The following CDH18 variants were observed in gnomAD, a reference collection of about 807,000 sequenced individuals.
CDH18 encodes cadherin 18.
A neutral mutation model predicts 67.9 loss-of-function variants in CDH18; 31 were observed. The observed-to-expected ratio is 0.46, with a 90% confidence interval of 0.34 to 0.62. CDH18 has a LOEUF of 0.62. Among genes scored for constraint, CDH18 ranks in the 20% least tolerant of loss-of-function variants. The pLI is 0.01. For synonymous variants in CDH18, 362 were observed against 347.2 expected (o/e 1.04, Z -0.48); for missense variants, 890 against 975.5 (o/e 0.91, Z 1.17).
chr5:20,209,571 T>C (rs1204830557), intron 2 of CDH18, among the ~76,000 whole-genome samples: 1 of 150,392 alleles, frequency 6.6e-6, no homozygotes, highest in African/African-American at 2.5e-5. Context: ...AGTTGTTAGG[T>C]TAACATGGTT....
chr5:20,401,995 A>G (rs1745807664), intron 1 of CDH18, among the ~76,000 whole-genome samples: 1 of 151,748 alleles, frequency 6.6e-6, no homozygotes, highest in Admixed American at 6.6e-5. Context: ...TTACTTTCCC[A>G]TCTTCATCTA....
chr5:20,126,578 T>C (rs182699436), intron 2 of CDH18, among the ~76,000 whole-genome samples: 1 of 152,206 alleles, frequency 6.6e-6, no homozygotes, highest in African/African-American at 2.4e-5. Flanking sequence ...AAAAGGTTAA[T>C]ATCCAAAGTA....
intron 5 of CDH18, among the ~76,000 whole-genome samples, chr5:19,712,846 C>T (rs1164808343): frequency 6.6e-6 from 1 of 151,512 alleles, no homozygotes; most frequent in African/African-American, 2.4e-5. Flanking sequence ...AGGGAAGAAT[C>T]TAGGGAATCA....
intron 9 of CDH18, among the ~76,000 whole-genome samples, chr5:19,534,508 A>G (rs908754568): frequency 6.6e-6 from 1 of 152,182 alleles, no homozygotes; most frequent in Non-Finnish European, 1.5e-5. Context: ...ATGAAAAATC[A>G]GGGAGAATTG....
chr5:20,536,642 T>C (rs536793579), intron 1 of CDH18, among the ~76,000 whole-genome samples: 2 of 152,224 alleles, frequency 1.3e-5, no homozygotes, highest in East Asian at 3.9e-4. Context: ...CCTATGGCAC[T>C]ACAAATTATT....
chr5:19,540,955 C>T (rs536501721), intron 9 of CDH18, among the ~76,000 whole-genome samples: 160 of 152,248 alleles, frequency 1.1e-3, no homozygotes, highest in African/African-American at 3.6e-3. Context: ...GAATTTCTTC[C>T]CAGTTAATGG....
intron 2 of CDH18, among the ~76,000 whole-genome samples, chr5:20,219,132 T>C (rs1741015990): frequency 6.6e-6 from 1 of 151,178 alleles, no homozygotes; most frequent in Non-Finnish European, 1.5e-5. Context: ...AAGTCCAAAA[T>C]AAATAAAATC....
chr5:20,121,847 A>G (rs1275102212), intron 2 of CDH18, among the ~76,000 whole-genome samples: 2 of 152,140 alleles, frequency 1.3e-5, no homozygotes, highest in Non-Finnish European at 2.9e-5. Context: ...TGAAAAATAA[A>G]AGTAGCTCAA....
At chr5:19,576,330 T>C (rs1050539288) in intron 7 of CDH18, among the ~76,000 whole-genome samples, 1 of 151,974 alleles carries the variant, frequency 6.6e-6, no homozygotes, top group Non-Finnish European at 1.5e-5. Context: ...GAAGAAAATA[T>C]TTGAAAATTG....
At chr5:19,653,071 A>G (rs565868948) in intron 5 of CDH18, among the ~76,000 whole-genome samples, 2 of 152,166 alleles carry the variant, frequency 1.3e-5, no homozygotes, top group Non-Finnish European at 2.9e-5. Flanking sequence ...CAGCTTCTGA[A>G]TAAAACCTCA....
chr5:19,823,668 T>C (rs1049260822), intron 3 of CDH18, among the ~76,000 whole-genome samples: 1 of 152,168 alleles, frequency 6.6e-6, no homozygotes, highest in Non-Finnish European at 1.5e-5. Context: ...AGACAGATCA[T>C]TAAGGCAGAA....
chr5:20,517,964 T>A (rs10473431), intron 1 of CDH18, among the ~76,000 whole-genome samples: 1 of 151,720 alleles, frequency 6.6e-6, no homozygotes, highest in Admixed American at 6.6e-5. Context: ...ATTCTAAATC[T>A]ATATCACAAA....
intron 1 of CDH18, among the ~76,000 whole-genome samples, chr5:20,321,022 C>CT (rs1326678867): frequency 6.6e-6 from 1 of 152,168 alleles, no homozygotes; most frequent in Non-Finnish European, 1.5e-5. Context: ...GAAGTCTCCA[C>CT]TTGTATCCTC....
intron 1 of CDH18, among the ~76,000 whole-genome samples, chr5:20,454,885 A>G (rs1013488165): frequency 1.3e-5 from 2 of 152,108 alleles, no homozygotes; most frequent in African/African-American, 2.4e-5. Context: ...CATTTTGTCT[A>G]GGAAAGGGGT....
At chr5:20,311,698 A>G (rs1737011421) in intron 1 of CDH18, among the ~76,000 whole-genome samples, 1 of 152,086 alleles carries the variant, frequency 6.6e-6, no homozygotes, top group African/African-American at 2.4e-5. Context: ...AATGTAGATG[A>G]TGAGTTGATG....
intron 5 of CDH18, among the ~76,000 whole-genome samples, chr5:19,711,028 C>T (rs1764636339): frequency 6.6e-6 from 1 of 152,010 alleles, no homozygotes; most frequent in South Asian, 2.1e-4. Flanking sequence ...ACAAATTGTT[C>T]TGGGAAAATT....
At chr5:19,960,587 GTGTATA>G (rs1308467042) in intron 2 of CDH18, among the ~76,000 whole-genome samples, 5 of 118,362 alleles carry the variant, frequency 4.2e-5, no homozygotes, top group East Asian at 2.2e-4. Flanking sequence ...GTGTGTGTGT[GTGTATA>G]TATATATATA....
intron 2 of CDH18, among the ~76,000 whole-genome samples, chr5:20,097,605 T>A (rs565921667): frequency 6.6e-6 from 1 of 152,136 alleles, no homozygotes; most frequent in African/African-American, 2.4e-5. Context: ...ATCAAAAAAA[T>A]GGCTTGTATT....
intron 2 of CDH18, among the ~76,000 whole-genome samples, chr5:20,175,322 A>G (rs542030587): frequency 6.6e-6 from 1 of 152,158 alleles, no homozygotes; most frequent in Non-Finnish European, 1.5e-5. Flanking sequence ...GTGATGACCC[A>G]GTGAACCCAG....
Sources: gnomAD v4.1 joint callset for allele counts (sites outside exome capture counted in the v4.1 genomes callset) on GRCh38, gnomAD v4.1.1 for gene constraint, MANE v1.5 for transcripts, NCBI Gene and HGNC (gene_info 2026-07-23, HGNC 2026-07-21) for gene names.